The following SLC9A9 variants were observed in gnomAD, a reference collection of about 807,000 sequenced individuals.
The protein encoded by SLC9A9 is solute carrier family 9 member A9.
SLC9A9 carries 62 observed loss-of-function variants against 77.8 expected under a neutral mutation model. The observed-to-expected ratio is 0.80, with a 90% CI of 0.65 to 0.98. The LOEUF (loss-of-function observed/expected upper bound fraction) is 0.98, where lower values mean the gene tolerates loss of function less well. SLC9A9 is among the 50% of genes least tolerant of loss of function. The pLI is 0.00. For missense variants in SLC9A9, 775 were observed against 774.9 expected, an observed-to-expected ratio of 1.00 and a Z score of 0.00; for synonymous variants, 320 against 283.5, an observed-to-expected ratio of 1.13 and a Z score of -1.29.
intron 1 of SLC9A9, among the ~76,000 whole-genome samples, chr3:143,836,773 C>A (rs1374999144): frequency 1.3e-5 from 2 of 152,158 alleles, no homozygotes; most frequent in East Asian, 3.8e-4. Flanking sequence ...ATTATGTGTT[C>A]ATGCCACAGA....
intron 12 of SLC9A9, among the ~76,000 whole-genome samples, chr3:143,397,626 C>T (rs541108436): frequency 2.0e-5 from 3 of 152,230 alleles, no homozygotes; most frequent in South Asian, 2.1e-4. Context: ...TCCCAAGCTA[C>T]GAGGAACTCT....
chr3:143,412,378 G>A (rs572983527), intron 12 of SLC9A9, among the ~76,000 whole-genome samples: 21 of 152,080 alleles, frequency 1.4e-4, no homozygotes, highest in African/African-American at 4.6e-4. Flanking sequence ...AAGTGCAGGC[G>A]TGATGACCCC....
intron 14 of SLC9A9, among the ~76,000 whole-genome samples, chr3:143,287,271 C>T (rs1938406749): frequency 6.6e-6 from 1 of 152,162 alleles, no homozygotes; most frequent in African/African-American, 2.4e-5. Context: ...TTGGTAAGTT[C>T]ACATCCTGGG....
At chr3:143,512,240 A>G (rs1433397620) in intron 9 of SLC9A9, among the ~76,000 whole-genome samples, 2 of 152,256 alleles carry the variant, frequency 1.3e-5, no homozygotes, top group Non-Finnish European at 2.9e-5. Context: ...GATTAGGAAT[A>G]TGTAATAAAA....
intron 4 of SLC9A9, among the ~76,000 whole-genome samples, chr3:143,705,063 A>G (rs894348117): frequency 8.3e-6 from 1 of 120,310 alleles, no homozygotes; most frequent in African/African-American, 3.3e-5. Flanking sequence ...ATATAGATAT[A>G]TAGATATATA....
intron 13 of SLC9A9, among the ~76,000 whole-genome samples, chr3:143,369,533 A>G (rs1382449841): frequency 6.6e-6 from 1 of 152,222 alleles, no homozygotes; most frequent in Non-Finnish European, 1.5e-5. Context: ...GAAATGTTTG[A>G]GGTAATGGCT....
intron 14 of SLC9A9, among the ~76,000 whole-genome samples, chr3:143,338,412 C>A (rs2031989676): frequency 6.6e-6 from 1 of 152,128 alleles, no homozygotes; most frequent in Admixed American, 6.5e-5. Context: ...TTATATTTAA[C>A]AAACACCTTC....
At chr3:143,650,067 GA>G (rs2038771628) in intron 6 of SLC9A9, among the ~76,000 whole-genome samples, 1 of 152,212 alleles carries the variant, frequency 6.6e-6, no homozygotes, top group African/African-American at 2.4e-5. Context: ...ACTGAAGGAA[GA>G]GTTGAAAGAC....
chr3:143,457,584 T>C (rs563346408), intron 12 of SLC9A9, among the ~76,000 whole-genome samples: 134 of 152,282 alleles, frequency 8.8e-4, no homozygotes, highest in African/African-American at 3.0e-3. Context: ...TCTTCTAATA[T>C]AGGTTTTCAG....
intron 4 of SLC9A9, among the ~76,000 whole-genome samples, chr3:143,744,463 T>G (rs187114227): frequency 1.3e-5 from 2 of 152,168 alleles, no homozygotes; most frequent in Admixed American, 6.5e-5. Context: ...CCCCTGCAGG[T>G]GTCCTTAACT....
chr3:143,294,066 T>C (rs895532070), intron 14 of SLC9A9, among the ~76,000 whole-genome samples: 2 of 152,238 alleles, frequency 1.3e-5, no homozygotes, highest in African/African-American at 4.8e-5. Context: ...AGAATAATTC[T>C]TTTTCTTATA....
intron 12 of SLC9A9, among the ~76,000 whole-genome samples, chr3:143,429,873 T>C (rs1011482732): frequency 6.6e-6 from 1 of 152,176 alleles, no homozygotes; most frequent in African/African-American, 2.4e-5. Context: ...CTTGGCCATA[T>C]AGACCAGGAG....
chr3:143,669,269 T>C (rs1451848979), intron 5 of SLC9A9, among the ~76,000 whole-genome samples: 1 of 152,166 alleles, frequency 6.6e-6, no homozygotes, highest in Non-Finnish European at 1.5e-5. Context: ...CTTTAACACA[T>C]AAATGGAATG....
chr3:143,456,293 G>C (rs1050320470), intron 12 of SLC9A9, among the ~76,000 whole-genome samples: 1 of 152,058 alleles, frequency 6.6e-6, no homozygotes, highest in Admixed American at 6.6e-5. Context: ...TGCTGGACTT[G>C]ATATTCTAGT....
chr3:143,848,465 G>C lies in SLC9A9; in HGVS notation c.-143C>G. Reference sequence around the variant, plus strand: ...GCTACTTCACAAGCATTCTGCCCTGGCTTAGTATTCAGATGGCTTCTAGTT... The same window carrying C: ...GCTACTTCACAAGCATTCTGCCCTGCCTTAGTATTCAGATGGCTTCTAGTT... On this transcript the variant is annotated 5_prime_UTR_variant, in exon 1 of 16. Coordinates refer to ENST00000316549, the MANE Select transcript of SLC9A9 (RefSeq NM_173653.4). 9.5e-7 allele frequency: 1 copy of C among 1,057,394 alleles called. No homozygotes were observed. Among genetic ancestry groups the C allele is most frequent in the Admixed American group, 2.0e-5 (1 of 49,844 alleles). 65.5% of individuals were successfully genotyped at this position (1,057,394 alleles called of 1,614,324 possible). A position where few individuals can be genotyped will look rare whatever the true frequency, so the allele number is the denominator to read the frequency against.
chr3:143,541,544 T>C (rs1451032623), intron 9 of SLC9A9, among the ~76,000 whole-genome samples: 2 of 152,198 alleles, frequency 1.3e-5, no homozygotes, highest in Admixed American at 6.5e-5. Context: ...TTGGGAGTAA[T>C]TTGTTACACA....
chr3:143,665,859 A>G (rs1447432754), intron 5 of SLC9A9, among the ~76,000 whole-genome samples: 2 of 152,214 alleles, frequency 1.3e-5, no homozygotes, highest in African/African-American at 4.8e-5. Context: ...CAACCAAAAA[A>G]GTCCGGGACC....
At chr3:143,561,240 A>G (rs1324791741) in intron 8 of SLC9A9, among the ~76,000 whole-genome samples, 2 of 152,214 alleles carry the variant, frequency 1.3e-5, no homozygotes, top group Non-Finnish European at 2.9e-5. Flanking sequence ...ATTTTAGATT[A>G]TTTAGAAATA....
At chr3:143,811,816 T>C in intron 2 of SLC9A9, 1 of 428,950 alleles carries the variant, frequency 2.3e-6, no homozygotes, top group Non-Finnish European at 4.6e-6. Flanking sequence ...GAGCCAGGAT[T>C]GCATCACCAC....
Sources: gnomAD v4.1 joint callset for allele counts (sites outside exome capture counted in the v4.1 genomes callset) on GRCh38, gnomAD v4.1.1 for gene constraint, MANE v1.5 for transcripts, NCBI Gene and HGNC (gene_info 2026-07-23, HGNC 2026-07-21) for gene names.